ADCY6: variants seen among roughly 807,000 people sequenced by gnomAD.
The protein encoded by ADCY6 is adenylate cyclase 6.
In ADCY6, 59 loss-of-function variants were observed where a neutral mutation model predicts 111.6. That is an observed-to-expected ratio of 0.53 (90% CI 0.43 to 0.66). The LOEUF (loss-of-function observed/expected upper bound fraction) is 0.66, where lower values mean the gene tolerates loss of function less well. Among genes scored for constraint, ADCY6 ranks in the 30% least tolerant of loss-of-function variants. The probability of loss-of-function intolerance (pLI) is 0.00; values close to 1 mark genes in which losing one functional copy is unlikely to be tolerated. For synonymous variants in ADCY6, 576 were observed against 642.9 expected, an observed-to-expected ratio of 0.90 and a Z score of 1.57; for missense variants, 1,242 against 1,595.6, an observed-to-expected ratio of 0.78 and a Z score of 3.78.
rs748188955 is a variant in ADCY6, at chr12:48,777,271, C to T, written c.1249-40G>A. 1.3e-6 allele frequency: 2 copies of T among 1,599,606 alleles called. No homozygotes were observed. Among genetic ancestry groups the T allele is most frequent in the Non-Finnish European group, 1.7e-6 (2 of 1,172,702 alleles). ...ATTGGAGGGAAGGGTAACCTTTACT[C>T]TCTTGCCCACCCAGCCTGCATGGCC... On this transcript the variant is annotated intron_variant, in intron 5 of 21. Coordinates refer to ENST00000357869, the MANE Select transcript of ADCY6 (RefSeq NM_015270.5). This position sits in a 1 kb window ranked among gnomAD's most constrained non-coding sequence, Gnocchi z 4.9.
At position 48,783,447 on chromosome 12, in the gene ADCY6, G is replaced by A. The variant is rs745489773; in HGVS notation, c.-4-9C>T. On this transcript the variant is annotated splice_polypyrimidine_tract_variant and intron_variant, in intron 1 of 21. Transcript: ENST00000357869. ...TAAACCATGACATGTTGCTGGTAGG[G>A]AAGGAAGGAGATAGTATTAGAGACC... 3 of 1,614,052 alleles carry A rather than the reference G, an allele frequency of 1.9e-6. No homozygotes were observed. Among genetic ancestry groups the A allele is most frequent in the Non-Finnish European group, 2.5e-6 (3 of 1,180,008 alleles).
At position 48,768,955 on chromosome 12, in the gene ADCY6, C is replaced by A; in HGVS notation, c.3363G>T (p.Gly1121=). The A allele has an allele frequency of 6.2e-7, 1 of 1,613,750 alleles. No homozygotes were observed. The highest frequency in any genetic ancestry group is 2.2e-5 in the East Asian group (1 of 44,872). Residue 1121 remains glycine, a synonymous_variant, in exon 21 of 22, where the codon GGG becomes GGT. Transcript: ENST00000357869. ...VNVSSRMDST[G]VPDRIQVTTD... is the part of the protein sequence containing the mutation. ...CCCTCACCTGGATTCGGTCGGGGACCCCCGTGCTGTCCATACGACTAGAGA... is the reference window on the plus strand; with the variant it reads ...CCCTCACCTGGATTCGGTCGGGGACACCCGTGCTGTCCATACGACTAGAGA...
Position 48,775,666 on chromosome 12 carries a change from GACTT to G in ADCY6, c.1832+3_1832+6del, listed in dbSNP as rs1464040431. ...GTGCCTTCTCCCTCCTCAGTAACCT[GACTT>G]ACTTGTCTTTGCTGGAATCATCAAT... On this transcript the variant is annotated splice_donor_5th_base_variant and intron_variant, in intron 10 of 21. Transcript: ENST00000357869. 1 of 1,612,928 alleles carries G rather than the reference GACTT, an allele frequency of 6.2e-7. No individual in the cohort carries two copies. The highest frequency in any genetic ancestry group is 8.5e-7 in the Non-Finnish European group (1 of 1,179,018).
In ADCY6 at chr12:48,775,012, A is replaced by G. The variant is rs760558757; in HGVS notation, c.2023T>C (p.Cys675Arg). ...VDPRFGAYVA[C>R]ALLVFCFICF... ...ATGAAGCAGAAGACCAACAGGGCAC[A>G]GGCAACGTAGGCTCCGAAGCGGGGA... Residue 675 changes from cysteine to arginine, a missense_variant, in exon 12 of 22, where the codon TGT becomes CGT. Cys to Arg is a radical substitution (Grantham distance 180). Around this residue, in one of 4 missense-constraint regions of ADCY6, gnomAD observed 375 missense variants for 432.5 expected, o/e 0.87. Coordinates refer to ENST00000357869, the MANE Select transcript of ADCY6 (RefSeq NM_015270.5). The G allele has an allele frequency of 1.9e-6, 3 of 1,558,240 alleles. No homozygotes were observed. The South Asian group carries it at 3.6e-5, about 18-fold the overall frequency.
chr12:48,774,845 C>G (rs1304789397), intron 12 of ADCY6, 67 bp from the exon 13 acceptor site: 2 of 1,552,416 alleles, frequency 1.3e-6, no homozygotes, highest in Admixed American at 1.9e-5. Flanking sequence ...GTCCCACCCT[C>G]TGGAACAAGC....
rs1482369826 is a variant in ADCY6, at chr12:48,768,549, G to T, written c.*42C>A. ...CCAGTGAGCACAGAGTCCACTCAAT[G>T]CCCACCTTGGTCCCTTCAGCTGAAT... On this transcript the variant is annotated 3_prime_UTR_variant, in exon 22 of 22. Coordinates refer to ENST00000357869, the MANE Select transcript of ADCY6 (RefSeq NM_015270.5). 3 of 1,614,008 alleles carry T rather than the reference G, an allele frequency of 1.9e-6. No homozygotes were observed. The highest frequency in any genetic ancestry group is 4.5e-5 in the East Asian group (2 of 44,888).
chr12:48,778,981 G>A (rs942624340), intron 2 of ADCY6, among the ~76,000 whole-genome samples: 2 of 139,228 alleles, frequency 1.4e-5, no homozygotes, highest in Admixed American at 8.1e-5. Context: ...CAGTTCAAGC[G>A]ATTCTCCTGC....
rs1431392452 is a variant in ADCY6 at position 48,774,030 on chromosome 12, G to A, written c.2352C>T (p.Ile784=). ...TGAGCTGCTGCAGGTGGCAGGCAGT[G>A]ATGTCAGCAGGTGTTAAATTCAGCA... ...ARMLNLTPAD[I]TACHLQQLNY... is the part of the protein sequence containing the mutation. Residue 784 remains isoleucine, a synonymous_variant, in exon 15 of 22, where the codon ATC becomes ATT. Coordinates refer to ENST00000357869, the MANE Select transcript of ADCY6 (RefSeq NM_015270.5). 6.2e-7 allele frequency: 1 copy of A among 1,613,028 alleles called. No homozygotes were observed. Among genetic ancestry groups the A allele is most frequent in the Admixed American group, 1.7e-5 (1 of 59,808 alleles).
intron 11 of ADCY6, 119 bp downstream of exon 11, chr12:48,775,184 T>G: frequency 1.3e-6 from 2 of 1,497,380 alleles, no homozygotes; most frequent in East Asian, 4.7e-5. Context: ...ATCCTCACCC[T>G]GCTCTGTGGT....
intron 14 of ADCY6, 27 bp downstream of exon 14, chr12:48,774,375 G>A (rs1200621156): frequency 1.3e-6 from 2 of 1,577,530 alleles, no homozygotes; most frequent in East Asian, 4.5e-5. Flanking sequence ...CAGAGCAGAG[G>A]TGGGAGAATT....
At chr12:48,779,070 C>T (rs192511712) in intron 2 of ADCY6, among the ~76,000 whole-genome samples, 11 of 151,626 alleles carry the variant, frequency 7.3e-5, no homozygotes, top group African/African-American at 1.7e-4. Flanking sequence ...TTAGTAGAGA[C>T]GGGGTTTCAC....
chr12:48,770,708 C>A, intron 20 of ADCY6, 58 bp downstream of exon 20: 3 of 1,559,574 alleles, frequency 1.9e-6, no homozygotes, highest in Non-Finnish European at 2.6e-6. Context: ...AGCCTATAAT[C>A]CCAGCTTCAC....
intron 16 of ADCY6, among the ~76,000 whole-genome samples, 177 bp from the exon 17 acceptor site, chr12:48,772,720 C>A (rs1941584221): frequency 6.6e-6 from 1 of 152,156 alleles, no homozygotes; most frequent in Non-Finnish European, 1.5e-5. Context: ...AAAACCTCTG[C>A]TCTTAGAGAC....
intron 2 of ADCY6, among the ~76,000 whole-genome samples, chr12:48,780,019 AAG>A (rs1346860416): frequency 6.6e-6 from 1 of 152,112 alleles, no homozygotes; most frequent in Non-Finnish European, 1.5e-5. Context: ...AGCAGGGGTG[AAG>A]AGAGGGGCAC....
intron 2 of ADCY6, among the ~76,000 whole-genome samples, chr12:48,781,539 C>T (rs1280554403): frequency 6.6e-6 from 1 of 152,174 alleles, no homozygotes; most frequent in Non-Finnish European, 1.5e-5. Flanking sequence ...AAAGGGACTT[C>T]CCAGAAACCC....
rs778276694 is a variant in ADCY6 at position 48,783,375 on chromosome 12, A to G, written c.60T>C (p.Gly20=). The G allele has an allele frequency of 6.2e-7, 1 of 1,614,168 alleles. No homozygotes were observed. The highest frequency in any genetic ancestry group is 2.2e-5 in the East Asian group (1 of 44,878). The change falls in exon 2 of 22, where the codon GGT becomes GGC. Residue 20 remains glycine, a synonymous_variant. Transcript: ENST00000357869. ...GCGAACGCTTCTGCCCATTGCGTTC[A>G]CCCCAGGCTGTTTTCCGTTCATCCA... The part of the protein sequence containing the change: ...PKVDERKTAW[G]ERNGQKRSRR...
rs527658229 is a variant in ADCY6 at position 48,768,399 on chromosome 12, C to T, written c.*192G>A. On this transcript the variant is annotated 3_prime_UTR_variant, in exon 22 of 22. Coordinates refer to ENST00000357869, the MANE Select transcript of ADCY6 (RefSeq NM_015270.5). ...AAGAAAGTCACTTGCATAATCCTCT[C>T]GGTAGGTAGCCCCTTGTTTTCCAGC... is the stretch of plus-strand genomic sequence containing the variant. 3.0e-3 allele frequency: 2,250 copies of T among 742,748 alleles called. 67 individuals carry two copies. The South Asian group carries it at 0.037, about 12-fold the overall frequency. The allele number at this position is 742,748 out of a possible 1,614,324, so 46.0% of individuals were successfully genotyped here. A position where few individuals can be genotyped will look rare whatever the true frequency, so the allele number is the denominator to read the frequency against.
At position 48,769,042 on chromosome 12, in the gene ADCY6, G is replaced by T. The variant is rs368730825; in HGVS notation, c.3276C>A (p.Val1092=). The change falls in exon 21 of 22, where the codon GTC becomes GTA. Residue 1092 remains valine, a synonymous_variant. Coordinates refer to ENST00000357869, the MANE Select transcript of ADCY6 (RefSeq NM_015270.5). The part of the protein sequence containing the change: ...QMKIGLNMGP[V]VAGVIGARKP... ...TCCGAGCCCCGATGACACCTGCCAC[G>T]ACTGGGCCCATGTTCAGCCCTGAGG... 12 of 1,612,912 alleles carry T rather than the reference G, an allele frequency of 7.4e-6. No homozygotes were observed. The highest frequency in any genetic ancestry group is 1.0e-5 in the Non-Finnish European group (12 of 1,179,456).
chr12:48,770,992 GGC>G, intron 19 of ADCY6, 22 bp from the exon 20 acceptor site: 1 of 1,608,158 alleles, frequency 6.2e-7, no homozygotes, highest in Non-Finnish European at 8.5e-7. Context: ...AAGGAGACCT[GGC>G]TGTCAAGGCA....
Sources: gnomAD v4.1 joint callset for allele counts (sites outside exome capture counted in the v4.1 genomes callset) on GRCh38, gnomAD v4.1.1 for gene constraint, gnomAD v4.1.1 regional missense constraint, Gnocchi (gnomAD v3.1) non-coding constraint, MANE v1.5 for transcripts, NCBI Gene and HGNC (gene_info 2026-07-23, HGNC 2026-07-21) for gene names.